The following CLASP2 variants were observed in gnomAD, a reference collection of about 807,000 sequenced individuals.
CLASP2 encodes the protein cytoplasmic linker associated protein 2.
Under a neutral mutation model 194.4 loss-of-function variants are expected in CLASP2, and 47 were observed. The observed-to-expected ratio is 0.24, with a 90% CI of 0.19 to 0.31. The LOEUF is 0.31. CLASP2 is among the 10% of genes least tolerant of loss of function. The pLI is 1.00. For missense variants in CLASP2, 1,445 were observed against 1,823.6 expected (o/e 0.79, Z 3.78); for synonymous variants, 619 against 633.5 (o/e 0.98, Z 0.34).
At chr3:33,634,301 A>C (rs997999717) in intron 8 of CLASP2, among the ~76,000 whole-genome samples, 1 of 152,232 alleles carries the variant, frequency 6.6e-6, no homozygotes, top group Non-Finnish European at 1.5e-5. Flanking sequence ...AATGAATAAA[A>C]CAAAACCATC....
chr3:33,602,457 T>C, intron 18 of CLASP2: 1 of 703,268 alleles, frequency 1.4e-6, no homozygotes, highest in Admixed American at 2.0e-5. Flanking sequence ...CAAACCAACG[T>C]CAACTTTTTA....
chr3:33,668,939 G>A (rs1319734671), intron 6 of CLASP2, among the ~76,000 whole-genome samples: 2 of 152,172 alleles, frequency 1.3e-5, no homozygotes, highest in Non-Finnish European at 2.9e-5. Flanking sequence ...TAAGTCATTG[G>A]CCTATTTCAG....
chr3:33,563,509 T>C (rs1319136029), intron 27 of CLASP2, among the ~76,000 whole-genome samples: 1 of 152,216 alleles, frequency 6.6e-6, no homozygotes, highest in Non-Finnish European at 1.5e-5. Context: ...TTATATTTCC[T>C]GTATACCAGG....
chr3:33,514,674 A>G, intron 36 of CLASP2: 1 of 350,462 alleles, frequency 2.9e-6, no homozygotes, highest in Non-Finnish European at 6.0e-6. Flanking sequence ...ACTATTGGGT[A>G]TCTACCTAGA....
At chr3:33,556,792 C>T (rs1165967471) in intron 29 of CLASP2, among the ~76,000 whole-genome samples, 2 of 152,086 alleles carry the variant, frequency 1.3e-5, no homozygotes, top group Non-Finnish European at 2.9e-5. Flanking sequence ...ATATTAAATA[C>T]ATATTTATAA....
At chr3:33,575,276 G>A (rs2064610125) in intron 24 of CLASP2, among the ~76,000 whole-genome samples, 1 of 152,106 alleles carries the variant, frequency 6.6e-6, no homozygotes, top group African/African-American at 2.4e-5. Flanking sequence ...AGAACTACAC[G>A]TGTGATATTC....
intron 29 of CLASP2, among the ~76,000 whole-genome samples, chr3:33,555,491 G>A (rs1193865097): frequency 2.0e-5 from 3 of 151,468 alleles, no homozygotes; most frequent in East Asian, 3.9e-4. Flanking sequence ...TCAGCTTCCC[G>A]AGTAGATAAG....
intron 13 of CLASP2, 145 bp downstream of exon 13, chr3:33,611,856 A>G: frequency 1.6e-6 from 1 of 607,490 alleles, no homozygotes; most frequent in Non-Finnish European, 2.9e-6. Flanking sequence ...TACATGAGAT[A>G]TGATTAAAAA....
At chr3:33,499,833 T>G (rs6785551) in intron 38 of CLASP2, among the ~76,000 whole-genome samples, 51,849 of 151,942 alleles carry the variant, frequency 0.34, 9,298 homozygotes, top group Admixed American at 0.48. Flanking sequence ...ATGGTTAAGT[T>G]ACTGCCTGAG....
rs1336832448 is a variant in CLASP2, at chr3:33,560,894, T to C, written c.2844A>G (p.Val948=). The part of the protein sequence containing the change: ...HKDDLQDWLF[V]LLTQLLKKMG... ...TTTTTTTTAGTAGTTGTGTCAGCAG[T>C]ACAAACAACCAATCTTGAAGATCAT... is the stretch of plus-strand genomic sequence containing the variant. The change falls in exon 28 of 39, where the codon GTA becomes GTG. Residue 948 remains valine (V), a synonymous_variant. Transcript: ENST00000682230. The C allele has an allele frequency of 1.9e-6, 3 of 1,613,866 alleles. No homozygotes were observed. The Admixed American group carries it at 5.0e-5, about 27-fold the overall frequency.
chr3:33,627,969 A>G (rs2078347809), intron 9 of CLASP2, among the ~76,000 whole-genome samples: 1 of 152,168 alleles, frequency 6.6e-6, no homozygotes, highest in Non-Finnish European at 1.5e-5. Flanking sequence ...AGAAGAGCCA[A>G]TGACCCAGGT....
intron 34 of CLASP2, among the ~76,000 whole-genome samples, chr3:33,517,648 A>G (rs1185538308): frequency 5.9e-5 from 9 of 152,110 alleles, no homozygotes; most frequent in Admixed American, 5.9e-4. Context: ...ACCATTGTAA[A>G]CTTCTCCATA....
In CLASP2 at chr3:33,516,122, A is replaced by G; in HGVS notation, c.4011T>C (p.Val1337=). Residue 1337 remains valine, a synonymous_variant, in exon 36 of 39, where the codon GTT becomes GTC. Transcript: ENST00000682230. ...GTTGATGCCTTAGGATTTCTCTTAA[A>G]ACCTTTAATGCCAAAGCCCTGATTG... ...EPTIRALALK[V]LREILRHQPA... The G allele has an allele frequency of 6.2e-7, 1 of 1,609,444 alleles. No homozygotes were observed. Among genetic ancestry groups the G allele is most frequent in the Admixed American group, 1.7e-5 (1 of 59,382 alleles).
intron 33 of CLASP2, among the ~76,000 whole-genome samples, chr3:33,538,289 G>A (rs2057750039): frequency 6.6e-6 from 1 of 152,150 alleles, no homozygotes; most frequent in Non-Finnish European, 1.5e-5. Flanking sequence ...TTATTTCAAG[G>A]AATTCTCCTC....
chr3:33,500,942 C>T (rs2046714867), intron 38 of CLASP2, among the ~76,000 whole-genome samples: 1 of 152,042 alleles, frequency 6.6e-6, no homozygotes, highest in Non-Finnish European at 1.5e-5. Flanking sequence ...ACGGTCTTCT[C>T]AGTATGTTGC....
intron 7 of CLASP2, among the ~76,000 whole-genome samples, chr3:33,649,032 A>C (rs2082734374): frequency 6.6e-6 from 1 of 152,234 alleles, no homozygotes; most frequent in Non-Finnish European, 1.5e-5. Context: ...ACGGTCACAC[A>C]GGTCTCTCCA....
intron 34 of CLASP2, among the ~76,000 whole-genome samples, chr3:33,522,512 C>T (rs1460660482): frequency 6.6e-6 from 1 of 152,038 alleles, no homozygotes; most frequent in East Asian, 1.9e-4. Context: ...AAAAAAATCA[C>T]AAGGCATATG....
In CLASP2 at chr3:33,608,626, T is replaced by C. The variant is rs772302556; in HGVS notation, c.1389A>G (p.Arg463=). 6.2e-7 allele frequency: 1 copy of C among 1,603,600 alleles called. No homozygotes were observed. Among genetic ancestry groups the C allele is most frequent in the African/African-American group, 1.3e-5 (1 of 74,758 alleles). ...NCTSKSVPVR[R]RSFEFLDLLL... The stretch of plus-strand genomic sequence containing the variant: ...ATAAATCTAAAAATTCAAATGAACG[T>C]CTGAAAAATAAAAGTTGAATGATAA... The change falls in exon 14 of 39, where the codon AGA becomes AGG. Residue 463 remains arginine (R), a splice_region_variant and synonymous_variant. Coordinates refer to ENST00000682230, the MANE Select transcript of CLASP2 (RefSeq NM_001365631.1).
chr3:33,602,491 A>C (rs2154254410), intron 18 of CLASP2: 1 of 739,752 alleles, frequency 1.4e-6, no homozygotes, highest in East Asian at 2.5e-5. Flanking sequence ...AAAAACATGA[A>C]GAAATCAAAC....
Sources: gnomAD v4.1 joint callset for allele counts (sites outside exome capture counted in the v4.1 genomes callset) on GRCh38, gnomAD v4.1.1 for gene constraint, MANE v1.5 for transcripts, NCBI Gene and HGNC (gene_info 2026-07-23, HGNC 2026-07-21) for gene names.